METTL16: variants seen among roughly 807,000 people sequenced by gnomAD.
METTL16 encodes methyltransferase 16, RNA N6-adenosine, also known as RNA N(6)-adenosine-methyltransferase METTL16.
Under a neutral mutation model 57.9 loss-of-function variants are expected in METTL16, and 19 were observed. The ratio of observed to expected loss-of-function variants is 0.33; its 90% CI spans 0.23 to 0.48. The LOEUF is 0.48. METTL16 is among the 20% of genes least tolerant of loss of function. The probability of loss-of-function intolerance (pLI) is 0.99; values close to 1 mark genes in which losing one functional copy is unlikely to be tolerated. For missense variants in METTL16, 434 were observed against 691.5 expected (o/e 0.63, Z 4.18); for synonymous variants, 246 against 255.6 (o/e 0.96, Z 0.36).
chr17:2,453,485 G>A (rs915747986), intron 6 of METTL16, among the ~76,000 whole-genome samples: 3 of 152,132 alleles, frequency 2.0e-5, no homozygotes, highest in Non-Finnish European at 4.4e-5. Context: ...CATTTCTGGC[G>A]TGAAGAGCAC....
At chr17:2,495,216 G>C (rs1391748856) in intron 2 of METTL16, among the ~76,000 whole-genome samples, 2 of 151,844 alleles carry the variant, frequency 1.3e-5, no homozygotes, top group African/African-American at 4.8e-5. Flanking sequence ...CCCAGTCCCA[G>C]CTACTTGGGA....
chr17:2,437,962 G>T, intron 8 of METTL16, 147 bp downstream of exon 8: 1 of 633,068 alleles, frequency 1.6e-6, no homozygotes, highest in South Asian at 1.7e-5. Flanking sequence ...CTAGGACTGT[G>T]TCTTGGTTAC....
chr17:2,428,973 C>T (rs2151543940), intron 8 of METTL16, among the ~76,000 whole-genome samples: 1 of 152,186 alleles, frequency 6.6e-6, no homozygotes, highest in African/African-American at 2.4e-5. Flanking sequence ...ATTCTCCCGC[C>T]TCAGCCTCCC....
At position 2,419,880 on chromosome 17, in the gene METTL16, A is replaced by C; in HGVS notation, c.*90T>G. On this transcript the variant is annotated 3_prime_UTR_variant, in exon 10 of 10. Transcript: ENST00000263092. ...GAAGATAATTCCACATCGTGCTACT[A>C]ATGGGCCGCTGGTAGGATTCCTCTT... 6.8e-7 allele frequency: 1 copy of C among 1,463,130 alleles called. No individual in the cohort carries two copies. Among genetic ancestry groups the C allele is most frequent in the Non-Finnish European group, 9.4e-7 (1 of 1,059,700 alleles). 90.6% of individuals were successfully genotyped at this position (1,463,130 alleles called of 1,614,324 possible). A position where few individuals can be genotyped will look rare whatever the true frequency, so the allele number is the denominator to read the frequency against.
intron 8 of METTL16, among the ~76,000 whole-genome samples, chr17:2,421,306 G>C (rs929428521): frequency 1.4e-4 from 22 of 152,108 alleles, no homozygotes; most frequent in Admixed American, 6.6e-4. Context: ...AGGGAGCTCT[G>C]ATTGCGCCAC....
At chr17:2,481,367 C>T (rs2067305156) in intron 2 of METTL16, among the ~76,000 whole-genome samples, 1 of 151,922 alleles carries the variant, frequency 6.6e-6, no homozygotes, top group Admixed American at 6.6e-5. Flanking sequence ...GACAGATACC[C>T]CCTTAACGAA....
chr17:2,435,774 T>G (rs1236864905), intron 8 of METTL16, among the ~76,000 whole-genome samples: 26 of 41,054 alleles, frequency 6.3e-4, no homozygotes, highest in Admixed American at 2.1e-3. Flanking sequence ...GCTGGGGTAG[T>G]GGTGGGGAGG....
At chr17:2,423,179 G>A (rs1310722710) in intron 8 of METTL16, among the ~76,000 whole-genome samples, 1 of 151,730 alleles carries the variant, frequency 6.6e-6, no homozygotes, top group Non-Finnish European at 1.5e-5. Flanking sequence ...ACTAACCAGC[G>A]GCCTCACACT....
intron 2 of METTL16, among the ~76,000 whole-genome samples, chr17:2,492,138 G>A (rs945691013): frequency 2.0e-5 from 3 of 151,718 alleles, no homozygotes; most frequent in African/African-American, 7.3e-5. Flanking sequence ...GTGAACCTGG[G>A]AGGCGGAGCT....
chr17:2,467,635 C>T (rs145850655), intron 5 of METTL16, 126 bp downstream of exon 5: 54 of 635,444 alleles, frequency 8.5e-5, no homozygotes, highest in East Asian at 2.5e-4. Flanking sequence ...ACCATGTTGG[C>T]CAGGCTGGTC....
chr17:2,491,570 C>T (rs2067389365), intron 2 of METTL16, among the ~76,000 whole-genome samples: 1 of 152,112 alleles, frequency 6.6e-6, no homozygotes, highest in Admixed American at 6.6e-5. Flanking sequence ...CATGCTAGGT[C>T]TTTGGTTTAA....
intron 2 of METTL16, among the ~76,000 whole-genome samples, chr17:2,486,145 C>G (rs929206608): frequency 6.6e-6 from 1 of 152,116 alleles, no homozygotes; most frequent in African/African-American, 2.4e-5. Flanking sequence ...CAAGGTGAAG[C>G]TGGGGAGGAA....
intron 1 of METTL16, among the ~76,000 whole-genome samples, chr17:2,511,060 C>G (rs77606984): frequency 0.021 from 3,186 of 152,116 alleles, 55 homozygotes; most frequent in African/African-American, 0.047. Flanking sequence ...TTGATTGAAA[C>G]CACGATAGAA....
chr17:2,434,567 T>C (rs1442627133), intron 8 of METTL16, among the ~76,000 whole-genome samples: 1 of 152,106 alleles, frequency 6.6e-6, no homozygotes, highest in Non-Finnish European at 1.5e-5. Context: ...CACATAATAA[T>C]GATAAAAGCA....
intron 2 of METTL16, among the ~76,000 whole-genome samples, chr17:2,482,636 A>G (rs749748618): frequency 1.5e-4 from 23 of 152,192 alleles, no homozygotes; most frequent in Non-Finnish European, 2.8e-4. Context: ...GCTGGGCCCA[A>G]TGGCTCACAC....
chr17:2,434,243 G>A (rs1474492267), intron 8 of METTL16, among the ~76,000 whole-genome samples: 1 of 152,250 alleles, frequency 6.6e-6, no homozygotes, highest in Admixed American at 6.5e-5. Context: ...CTGTCACCCA[G>A]GCTGGTGGGC....
At chr17:2,464,140 A>G in intron 6 of METTL16, 68 bp downstream of exon 6, 6 of 1,490,842 alleles carry the variant, frequency 4.0e-6, no homozygotes, top group Middle Eastern at 2.0e-4. Flanking sequence ...CAAAAAAAAG[A>G]GAACTACATA....
At chr17:2,507,055 A>G (rs1264450128) in intron 1 of METTL16, among the ~76,000 whole-genome samples, 7 of 143,874 alleles carry the variant, frequency 4.9e-5, no homozygotes, top group Non-Finnish European at 9.0e-5. Context: ...CCCGGCAGCC[A>G]CCCCGTCCGG....
intron 6 of METTL16, among the ~76,000 whole-genome samples, chr17:2,458,931 C>T: frequency 6.6e-6 from 1 of 151,838 alleles, no homozygotes; most frequent in East Asian, 1.9e-4. Context: ...CTCAGCCTCC[C>T]GAGTAGCTGG....
Sources: allele counts gnomAD v4.1 joint callset (sites outside exome capture counted in the v4.1 genomes callset), GRCh38; gene constraint gnomAD v4.1.1; transcripts MANE v1.5; gene names NCBI Gene and HGNC (gene_info 2026-07-23, HGNC 2026-07-21).